Variants in MCU observed in about 807,000 individuals in gnomAD.
The protein encoded by MCU is mitochondrial calcium uniporter.
Under a neutral mutation model 45.2 loss-of-function variants are expected in MCU, and 12 were observed. That is an observed-to-expected ratio of 0.27 (90% CI 0.17 to 0.43). The LOEUF (loss-of-function observed/expected upper bound fraction) is 0.43. Ranked by LOEUF, MCU falls within the 20% of genes least tolerant of loss-of-function variation. The pLI, the probability that MCU is intolerant of heterozygous loss-of-function variation, is 1.00. For synonymous variants in MCU, 160 were observed against 165.1 expected (o/e 0.97, Z 0.24); for missense variants, 324 against 436.7 (o/e 0.74, Z 2.30).
chr10:72,851,475 A>G (rs1845205728), intron 2 of MCU, among the ~76,000 whole-genome samples: 1 of 152,144 alleles, frequency 6.6e-6, no homozygotes, highest in African/African-American at 2.4e-5. Flanking sequence ...GTCTCCCCAA[A>G]TTGGAGACCA....
In MCU at chr10:72,823,883, A is replaced by G. The variant is rs529359771; in HGVS notation, c.151-10476A>G. On this transcript the variant is annotated intron_variant, in intron 1 of 7. Coordinates refer to ENST00000373053, the MANE Select transcript of MCU (RefSeq NM_138357.3). ...AAGACCAGCCCTGGCAACATAGCCAAACCTCATCTCCACAAAAATTAAAAA... is the reference window on the plus strand; with the variant it reads ...AAGACCAGCCCTGGCAACATAGCCAGACCTCATCTCCACAAAAATTAAAAA... Among the ~76,000 whole-genome samples the G allele has an allele frequency of 4.6e-5, 7 of 152,148 alleles. No individual in the cohort carries two copies. The South Asian group carries it at 1.5e-3, about 32-fold the overall frequency.
intron 1 of MCU, among the ~76,000 whole-genome samples, chr10:72,706,005 G>C (rs1046359818): frequency 1.3e-5 from 2 of 151,870 alleles, no homozygotes; most frequent in Admixed American, 6.6e-5. Flanking sequence ...GGTATATTCT[G>C]TTTATTATAT....
At chr10:72,785,624 G>A (rs890270017) in intron 1 of MCU, among the ~76,000 whole-genome samples, 4 of 152,102 alleles carry the variant, frequency 2.6e-5, no homozygotes, top group Non-Finnish European at 4.4e-5. Flanking sequence ...TTCACTTTTA[G>A]TGTTTATGTA....
chr10:72,722,998 C>G (rs923476222), intron 1 of MCU, among the ~76,000 whole-genome samples: 2 of 152,050 alleles, frequency 1.3e-5, no homozygotes, highest in Admixed American at 6.6e-5. Flanking sequence ...AGATCAAGAC[C>G]ATCCTGGCTA....
rs527640820 is a variant in MCU, at chr10:72,822,287, A to G, written c.151-12072A>G. 1.4e-3 allele frequency among the ~76,000 whole-genome samples: 220 copies of G among 152,310 alleles called. 2 individuals carry two copies. Among genetic ancestry groups the G allele is most frequent in the African/African-American group, 4.8e-3 (201 of 41,578 alleles). ...ACTCCTCTAAATAAATGAATAAGGA[A>G]ATAACAACCAAGACTACAGATCAAG... On this transcript the variant is annotated intron_variant, in intron 1 of 7. Transcript: ENST00000373053.
At chr10:72,705,608 G>A (rs1842809496) in intron 1 of MCU, among the ~76,000 whole-genome samples, 1 of 151,248 alleles carries the variant, frequency 6.6e-6, no homozygotes, top group Non-Finnish European at 1.5e-5. Context: ...ACCTAAAGTC[G>A]GGAGTTCGAG....
At chr10:72,866,410 G>GT (rs1265966558) in intron 4 of MCU, among the ~76,000 whole-genome samples, 3 of 151,862 alleles carry the variant, frequency 2.0e-5, no homozygotes, top group East Asian at 1.9e-4. Context: ...GTTTTTTTGT[G>GT]TTTTTTTGTT....
chr10:72,760,065 G>C (rs1467908567), intron 1 of MCU, among the ~76,000 whole-genome samples: 1 of 148,662 alleles, frequency 6.7e-6, no homozygotes, highest in African/African-American at 2.5e-5. Flanking sequence ...TTTTTTTTGA[G>C]ACAGAGTCTA....
At chr10:72,765,715 G>A (rs1243166831) in intron 1 of MCU, among the ~76,000 whole-genome samples, 4 of 141,664 alleles carry the variant, frequency 2.8e-5, no homozygotes, top group Non-Finnish European at 1.5e-5. Flanking sequence ...GATTGCTTAA[G>A]CCCAATATGT....
At chr10:72,855,649 G>C (rs1403036562) in intron 2 of MCU, among the ~76,000 whole-genome samples, 1 of 152,106 alleles carries the variant, frequency 6.6e-6, no homozygotes. Flanking sequence ...GAGATTAAAA[G>C]ATAGTAAATC....
chr10:72,706,522 G>T (rs563122463), intron 1 of MCU, among the ~76,000 whole-genome samples: 1 of 151,550 alleles, frequency 6.6e-6, no homozygotes, highest in Non-Finnish European at 1.5e-5. Context: ...AAATTTTTTA[G>T]AGACATTACA....
At chr10:72,778,761 A>G (rs1225896344) in intron 1 of MCU, among the ~76,000 whole-genome samples, 3 of 152,184 alleles carry the variant, frequency 2.0e-5, no homozygotes, top group Non-Finnish European at 4.4e-5. Flanking sequence ...TTGACTGTTA[A>G]TATAAAAAAT....
At chr10:72,707,940 CTG>C (rs113702821) in intron 1 of MCU, among the ~76,000 whole-genome samples, 1 of 152,122 alleles carries the variant, frequency 6.6e-6, no homozygotes, top group African/African-American at 2.4e-5. Flanking sequence ...TCTTCAGTAG[CTG>C]TGACTACAGG....
intron 1 of MCU, among the ~76,000 whole-genome samples, chr10:72,716,092 A>T (rs1486337956): frequency 6.6e-6 from 1 of 152,238 alleles, no homozygotes; most frequent in East Asian, 1.9e-4. Flanking sequence ...TTTTACTACA[A>T]TACAGACATA....
chr10:72,713,984 TG>T (rs1842925957), intron 1 of MCU, among the ~76,000 whole-genome samples: 1 of 150,950 alleles, frequency 6.6e-6, no homozygotes, highest in Admixed American at 6.6e-5. Context: ...TGTGTGTGTG[TG>T]TGTTGGAGTC....
At chr10:72,747,477 C>T (rs965027775) in intron 1 of MCU, among the ~76,000 whole-genome samples, 5 of 152,084 alleles carry the variant, frequency 3.3e-5, no homozygotes, top group Admixed American at 6.6e-5. Context: ...TTTTGCACTT[C>T]GCTGCAGTGC....
chr10:72,792,431 C>T lies in MCU; in HGVS notation c.151-41928C>T, dbSNP rs907825478. Among the ~76,000 whole-genome samples, 11 of 152,310 alleles carry T rather than the reference C, an allele frequency of 7.2e-5. 1 individual carries two copies. In the South Asian group the frequency reaches 2.3e-3, roughly 32 times the overall value. On this transcript the variant is annotated intron_variant, in intron 1 of 7. Transcript: ENST00000373053. The stretch of plus-strand genomic sequence containing the variant: ...ATCAGCGGAAAAGAATGTTAAACTG[C>T]TTCCTGGGGATGACTCCCTCCAGGC...
chr10:72,858,141 G>A (rs1345382915), intron 2 of MCU, among the ~76,000 whole-genome samples: 3 of 152,154 alleles, frequency 2.0e-5, no homozygotes, highest in African/African-American at 7.2e-5. Flanking sequence ...CTTTGAGGAA[G>A]AGGCAAAAAG....
intron 1 of MCU, among the ~76,000 whole-genome samples, chr10:72,809,726 A>G (rs147773842): frequency 3.3e-5 from 5 of 152,204 alleles, no homozygotes; most frequent in Non-Finnish European, 5.9e-5. Context: ...CTCCAAACAG[A>G]ATAAGTATGA....
Sources: gnomAD v4.1 joint callset for allele counts (sites outside exome capture counted in the v4.1 genomes callset) on GRCh38, gnomAD v4.1.1 for gene constraint, MANE v1.5 for transcripts, NCBI Gene and HGNC (gene_info 2026-07-23, HGNC 2026-07-21) for gene names.